Variants in CADM2 observed in about 807,000 individuals in gnomAD.
CADM2 encodes immunoglobulin superfamily member 4D.
Under a neutral mutation model 49.8 loss-of-function variants are expected in CADM2, and 12 were observed. The ratio of observed to expected loss-of-function variants is 0.24; its 90% confidence interval spans 0.15 to 0.39. The LOEUF is 0.39. Among genes scored for constraint, CADM2 ranks in the 10% least tolerant of loss-of-function variants. The pLI is 1.00. For missense variants in CADM2, 378 were observed against 492.3 expected (o/e 0.77, Z 2.20); for synonymous variants, 214 against 175.4 (o/e 1.22, Z -1.74).
chr3:85,807,686 C>T (rs1322841189), intron 3 of CADM2, among the ~76,000 whole-genome samples: 1 of 151,782 alleles, frequency 6.6e-6, no homozygotes, highest in Non-Finnish European at 1.5e-5. Context: ...TGGTTTCTGC[C>T]ACACTAGACA....
chr3:85,735,155 A>T (rs1185678935), intron 2 of CADM2, among the ~76,000 whole-genome samples: 1 of 152,172 alleles, frequency 6.6e-6, no homozygotes, highest in Non-Finnish European at 1.5e-5. Context: ...GTTACAATGT[A>T]GTATCCATTA....
At chr3:85,281,827 G>C (rs887715664) in intron 1 of CADM2, among the ~76,000 whole-genome samples, 6 of 151,960 alleles carry the variant, frequency 3.9e-5, no homozygotes, top group Non-Finnish European at 8.8e-5. Context: ...GAATAATCAG[G>C]TCAAGGCGGT....
intron 1 of CADM2, among the ~76,000 whole-genome samples, chr3:85,089,772 G>C (rs1384151161): frequency 6.6e-6 from 1 of 152,072 alleles, no homozygotes; most frequent in Non-Finnish European, 1.5e-5. Flanking sequence ...AAAAAACACA[G>C]TAAAATAGGA....
At chr3:86,031,525 T>C (rs1734558221) in intron 8 of CADM2, among the ~76,000 whole-genome samples, 2 of 151,830 alleles carry the variant, frequency 1.3e-5, no homozygotes, top group Non-Finnish European at 2.9e-5. Flanking sequence ...ATACTGATCC[T>C]TTTACATTAA....
intron 1 of CADM2, among the ~76,000 whole-genome samples, chr3:85,463,230 G>T (rs2038333015): frequency 6.6e-6 from 1 of 152,130 alleles, no homozygotes; most frequent in Non-Finnish European, 1.5e-5. Flanking sequence ...CATAGGCCTT[G>T]TGAATGTAAA....
chr3:85,903,207 T>C (rs1716349016), intron 5 of CADM2, among the ~76,000 whole-genome samples: 1 of 152,134 alleles, frequency 6.6e-6, no homozygotes, highest in African/African-American at 2.4e-5. Flanking sequence ...CCCTGAATAA[T>C]CTTTGTTCTG....
At chr3:85,569,701 C>CAAAAAAAAAAA (rs781598979) in intron 1 of CADM2, among the ~76,000 whole-genome samples, 1 of 114,738 alleles carries the variant, frequency 8.7e-6, no homozygotes, top group African/African-American at 4.3e-5. Context: ...TTTCTAATGG[C>CAAAAAAAAAAA]AAAAAAAAAA....
At chr3:85,852,618 T>C (rs1223974977) in intron 3 of CADM2, among the ~76,000 whole-genome samples, 1 of 152,092 alleles carries the variant, frequency 6.6e-6, no homozygotes, top group Non-Finnish European at 1.5e-5. Context: ...GAGACAAGAA[T>C]ATACACAAAT....
intron 1 of CADM2, among the ~76,000 whole-genome samples, chr3:85,533,342 C>A (rs929309637): frequency 6.6e-6 from 1 of 152,078 alleles, no homozygotes; most frequent in Admixed American, 6.6e-5. Context: ...TATAGCACAG[C>A]AGGTGATATT....
At chr3:85,057,627 T>C (rs1406102106) in intron 1 of CADM2, among the ~76,000 whole-genome samples, 7 of 152,150 alleles carry the variant, frequency 4.6e-5, no homozygotes, top group Non-Finnish European at 8.8e-5. Flanking sequence ...ATAATGTCCA[T>C]ACTTAAATGT....
intron 1 of CADM2, among the ~76,000 whole-genome samples, chr3:85,259,625 C>G (rs2042968159): frequency 6.6e-6 from 1 of 152,034 alleles, no homozygotes; most frequent in South Asian, 2.1e-4. Flanking sequence ...TGTGGTAGCT[C>G]ATACATTGCT....
chr3:85,965,797 C>T (rs959759683), intron 8 of CADM2, among the ~76,000 whole-genome samples: 2 of 151,596 alleles, frequency 1.3e-5, no homozygotes, highest in Admixed American at 6.6e-5. Context: ...ACCATTTTAT[C>T]ATGCAAGGTA....
chr3:85,170,492 C>T (rs1157467011), intron 1 of CADM2, among the ~76,000 whole-genome samples: 1 of 152,004 alleles, frequency 6.6e-6, no homozygotes, highest in Non-Finnish European at 1.5e-5. Context: ...GCGCCCGCCA[C>T]CACGCCCGGC....
chr3:85,070,152 T>C (rs909197862), intron 1 of CADM2, among the ~76,000 whole-genome samples: 2 of 152,178 alleles, frequency 1.3e-5, no homozygotes, highest in Admixed American at 6.5e-5. Flanking sequence ...TTTTTCATTA[T>C]ACATCCTATC....
intron 1 of CADM2, among the ~76,000 whole-genome samples, chr3:85,552,637 A>G (rs2061841214): frequency 1.3e-5 from 2 of 149,504 alleles, no homozygotes; most frequent in African/African-American, 2.5e-5. Context: ...ACCTCAACCT[A>G]CCAAAGTGTT....
intron 1 of CADM2, among the ~76,000 whole-genome samples, chr3:85,621,218 T>A (rs560299841): frequency 6.2e-4 from 95 of 152,248 alleles, no homozygotes; most frequent in African/African-American, 2.2e-3. Flanking sequence ...AACTATGTCT[T>A]AACATTAGGT....
chr3:85,481,719 T>C (rs1375124456), intron 1 of CADM2, among the ~76,000 whole-genome samples: 1 of 151,688 alleles, frequency 6.6e-6, no homozygotes, highest in South Asian at 2.1e-4. Context: ...CTTTCAAGCA[T>C]ATTTAAATTC....
chr3:85,114,697 A>G (rs1282124939), intron 1 of CADM2, among the ~76,000 whole-genome samples: 1 of 152,144 alleles, frequency 6.6e-6, no homozygotes, highest in Non-Finnish European at 1.5e-5. Context: ...ATCTACTCTC[A>G]CACCTATTAA....
chr3:85,662,430 CA>C (rs1162554810), intron 1 of CADM2, among the ~76,000 whole-genome samples: 1 of 151,894 alleles, frequency 6.6e-6, no homozygotes, highest in Non-Finnish European at 1.5e-5. Context: ...ACTCCCTTTC[CA>C]ATATAGCCTC....
Sources: allele counts gnomAD v4.1 joint callset (sites outside exome capture counted in the v4.1 genomes callset), GRCh38; gene constraint gnomAD v4.1.1; transcripts MANE v1.5; gene names NCBI Gene and HGNC (gene_info 2026-07-23, HGNC 2026-07-21).